ST6GALNAC3: variants seen among roughly 807,000 people sequenced by gnomAD.
ST6GALNAC3 encodes alpha-N-acetylgalactosaminide alpha-2,6-sialyltransferase 3.
In ST6GALNAC3, 25 loss-of-function variants were observed where a neutral mutation model predicts 32.7. That is an observed-to-expected ratio of 0.76 (90% CI 0.56 to 1.07). The LOEUF (loss-of-function observed/expected upper bound fraction) is 1.07, where lower values mean the gene tolerates loss of function less well. Ranked by LOEUF, ST6GALNAC3 falls within the 50% of genes least tolerant of loss-of-function variation. ST6GALNAC3 has a pLI of 0.00. For synonymous variants in ST6GALNAC3, 129 were observed against 133.1 expected (o/e 0.97, Z 0.21); for missense variants, 355 against 382.4 (o/e 0.93, Z 0.60).
chr1:76,525,771 T>TTGTGTG (rs1167452856), intron 3 of ST6GALNAC3, among the ~76,000 whole-genome samples: 12 of 93,128 alleles, frequency 1.3e-4, no homozygotes, highest in Non-Finnish European at 1.9e-4. Context: ...GTATGTGTGT[T>TTGTGTG]TGTGTGTGTG....
At chr1:76,168,298 A>G (rs1029956117) in intron 1 of ST6GALNAC3, among the ~76,000 whole-genome samples, 23 of 152,168 alleles carry the variant, frequency 1.5e-4, no homozygotes, top group African/African-American at 4.3e-4. Flanking sequence ...TATGGTTTTG[A>G]GTGAATTTCT....
At chr1:76,628,575 C>A in intron 4 of ST6GALNAC3, 45 bp from the exon 5 acceptor site, 1 of 1,514,156 alleles carries the variant, frequency 6.6e-7, no homozygotes, top group South Asian at 1.3e-5. Flanking sequence ...GTGCTTCATT[C>A]TTCATCTCAA....
chr1:76,337,115 C>T (rs1647547559), intron 2 of ST6GALNAC3, among the ~76,000 whole-genome samples: 2 of 152,188 alleles, frequency 1.3e-5, no homozygotes, highest in South Asian at 2.1e-4. Context: ...CAGAGGCCAG[C>T]CTCTGATCTC....
chr1:76,326,730 C>T (rs1303615667), intron 2 of ST6GALNAC3, among the ~76,000 whole-genome samples: 2 of 150,110 alleles, frequency 1.3e-5, no homozygotes, highest in African/African-American at 2.4e-5. Flanking sequence ...ATATGTGTAA[C>T]TATTTTAGCA....
chr1:76,458,929 T>TA (rs376750316), intron 3 of ST6GALNAC3, among the ~76,000 whole-genome samples: 41 of 148,968 alleles, frequency 2.8e-4, no homozygotes, highest in African/African-American at 3.2e-4. Context: ...AATAATCTTG[T>TA]AAAAAAAAAA....
At chr1:76,269,888 G>C (rs887988618) in intron 1 of ST6GALNAC3, among the ~76,000 whole-genome samples, 2 of 152,138 alleles carry the variant, frequency 1.3e-5, no homozygotes, top group Admixed American at 6.5e-5. Context: ...GTGACTTAGA[G>C]GGGATGCCGT....
chr1:76,248,347 T>C (rs1657426129), intron 1 of ST6GALNAC3, among the ~76,000 whole-genome samples: 1 of 152,150 alleles, frequency 6.6e-6, no homozygotes, highest in Admixed American at 6.5e-5. Context: ...TTCTTCTCCT[T>C]TACAGCCTTT....
At chr1:76,187,622 A>T (rs1653637641) in intron 1 of ST6GALNAC3, among the ~76,000 whole-genome samples, 1 of 152,114 alleles carries the variant, frequency 6.6e-6, no homozygotes, top group Admixed American at 6.5e-5. Flanking sequence ...GGCAGGGGAG[A>T]TGTGGGTGGC....
At chr1:76,406,227 C>T (rs1294590203) in intron 2 of ST6GALNAC3, among the ~76,000 whole-genome samples, 1 of 152,060 alleles carries the variant, frequency 6.6e-6, no homozygotes, top group African/African-American at 2.4e-5. Flanking sequence ...TTCCCAAGGA[C>T]TTGCAAATGG....
chr1:76,513,617 T>G (rs1426875699), intron 3 of ST6GALNAC3, among the ~76,000 whole-genome samples: 1 of 152,182 alleles, frequency 6.6e-6, no homozygotes, highest in African/African-American at 2.4e-5. Flanking sequence ...ATGTCGGGCC[T>G]TTTGTGGTTC....
chr1:76,285,968 G>A (rs907262730), intron 1 of ST6GALNAC3, among the ~76,000 whole-genome samples: 16 of 151,488 alleles, frequency 1.1e-4, no homozygotes, highest in African/African-American at 3.6e-4. Context: ...CAGGAAGGCA[G>A]AGAGAATGAG....
chr1:76,517,980 T>C (rs1185493491), intron 3 of ST6GALNAC3, among the ~76,000 whole-genome samples: 1 of 152,080 alleles, frequency 6.6e-6, no homozygotes, highest in African/African-American at 2.4e-5. Flanking sequence ...TCTTTTAAAA[T>C]ATTCTGTAAC....
chr1:76,282,806 A>C (rs562087498), intron 1 of ST6GALNAC3, among the ~76,000 whole-genome samples: 9 of 151,752 alleles, frequency 5.9e-5, no homozygotes, highest in African/African-American at 2.2e-4. Context: ...AGGCAGGTGG[A>C]TCACTTGAGG....
At chr1:76,329,229 CT>C (rs1647139838) in intron 2 of ST6GALNAC3, among the ~76,000 whole-genome samples, 1 of 152,144 alleles carries the variant, frequency 6.6e-6, no homozygotes, top group Admixed American at 6.5e-5. Context: ...AGGAAGCTTT[CT>C]TTTTTCTTTT....
chr1:76,278,160 T>C (rs1328061325), intron 1 of ST6GALNAC3, among the ~76,000 whole-genome samples: 1 of 137,014 alleles, frequency 7.3e-6, no homozygotes, highest in Non-Finnish European at 1.5e-5. Flanking sequence ...ATCTTCACTG[T>C]CTTTCGTCAC....
At position 76,631,914 on chromosome 1, in the gene ST6GALNAC3, G is replaced by T. The variant is rs955412006; in HGVS notation, c.*3108G>T. On this transcript the variant is annotated 3_prime_UTR_variant, in exon 5 of 5. Transcript: ENST00000328299. ...ATTTAACCAAGTGAGAAGTAGCAATGATTTACATTGTTATGATGATAATGT... is the reference window on the plus strand; with the variant it reads ...ATTTAACCAAGTGAGAAGTAGCAATTATTTACATTGTTATGATGATAATGT... The T allele has an allele frequency of 2.6e-5, 4 of 152,040 alleles. No individual in the cohort carries two copies. The highest frequency in any genetic ancestry group is 4.4e-5 in the Non-Finnish European group (3 of 67,974). The allele number at this position is 152,040 out of a possible 1,614,324, so 9.4% of individuals were successfully genotyped here.
chr1:76,401,334 A>G (rs1283433918), intron 2 of ST6GALNAC3, among the ~76,000 whole-genome samples: 1 of 152,096 alleles, frequency 6.6e-6, no homozygotes, highest in African/African-American at 2.4e-5. Context: ...CATGTATTAT[A>G]TTTATCAATT....
intron 1 of ST6GALNAC3, among the ~76,000 whole-genome samples, chr1:76,175,794 A>G (rs952622194): frequency 3.3e-5 from 5 of 152,150 alleles, no homozygotes; most frequent in African/African-American, 1.2e-4. Context: ...CATTTGTCCT[A>G]TACTATGGCT....
At chr1:76,624,204 G>A (rs1029166846) in intron 3 of ST6GALNAC3, among the ~76,000 whole-genome samples, 3 of 151,944 alleles carry the variant, frequency 2.0e-5, no homozygotes, top group African/African-American at 7.2e-5. Context: ...GAGCTAATTA[G>A]CATGGCATGT....
Sources: gnomAD v4.1 joint callset for allele counts (sites outside exome capture counted in the v4.1 genomes callset) on GRCh38, gnomAD v4.1.1 for gene constraint, MANE v1.5 for transcripts, NCBI Gene and HGNC (gene_info 2026-07-23, HGNC 2026-07-21) for gene names.